PHKB: variants seen among roughly 807,000 people sequenced by gnomAD.
PHKB encodes phosphorylase b kinase regulatory subunit beta.
PHKB carries 122 observed loss-of-function variants against 152.1 expected under a neutral mutation model. That is an observed-to-expected ratio of 0.80 (90% confidence interval 0.69 to 0.93). The LOEUF is 0.93. Ranked by LOEUF, PHKB falls within the 40% of genes least tolerant of loss-of-function variation. The probability of loss-of-function intolerance (pLI) is 0.00; values close to 1 mark genes in which losing one functional copy is unlikely to be tolerated. For synonymous variants in PHKB, 436 were observed against 464.9 expected (o/e 0.94, Z 0.80); for missense variants, 1,304 against 1,328.4 (o/e 0.98, Z 0.29).
intron 27 of PHKB, among the ~76,000 whole-genome samples, chr16:47,691,708 A>G (rs1436973035): frequency 6.6e-6 from 1 of 152,154 alleles, no homozygotes; most frequent in Non-Finnish European, 1.5e-5. Flanking sequence ...GTCTCAAAAA[A>G]AAAAAAAAAT....
intron 6 of PHKB, among the ~76,000 whole-genome samples, chr16:47,547,082 C>A (rs910248815): frequency 2.6e-5 from 4 of 152,218 alleles, no homozygotes; most frequent in Non-Finnish European, 5.9e-5. Flanking sequence ...ATGCCCCACC[C>A]TGCTTCAGCT....
intron 4 of PHKB, among the ~76,000 whole-genome samples, 161 bp downstream of exon 4, chr16:47,503,251 G>A (rs1036419727): frequency 6.6e-6 from 1 of 152,190 alleles, no homozygotes. Flanking sequence ...TTCTAGCCCA[G>A]GGTTTGAAAT....
chr16:47,648,636 A>T lies in PHKB; in HGVS notation c.1692+20A>T, dbSNP rs748047799. 4.5e-6 allele frequency: 7 copies of T among 1,565,608 alleles called. No homozygotes were observed. The African/African-American group carries it at 9.5e-5, about 21-fold the overall frequency. ...TCAAAGGTACTCATGAAATGTCCTC[A>T]AAAAGTAGTTTTTGGATTCTAATAC... On this transcript the variant is annotated intron_variant, in intron 17 of 30. Coordinates refer to ENST00000323584, the MANE Select transcript of PHKB (RefSeq NM_000293.3).
intron 1 of PHKB, among the ~76,000 whole-genome samples, chr16:47,494,527 T>C (rs1970201058): frequency 6.6e-6 from 1 of 152,174 alleles, no homozygotes; most frequent in African/African-American, 2.4e-5. Context: ...AAAGTGTGAT[T>C]GAAGTCCCTT....
In PHKB at chr16:47,669,517, A is replaced by G. The variant is rs1973601498; in HGVS notation, c.2630+100A>G. ...GAAGCAATGTTCCTGGTGTCTGGTG[A>G]GTATTCAGCAAAGAGCACCTGTCCT... On this transcript the variant is annotated intron_variant, in intron 26 of 30. Transcript: ENST00000323584. The G allele has an allele frequency of 2.9e-6, 3 of 1,046,582 alleles. No individual in the cohort carries two copies. In the Admixed American group the frequency reaches 5.2e-5, roughly 18 times the overall value. 64.8% of individuals were successfully genotyped at this position (1,046,582 alleles called of 1,614,324 possible).
chr16:47,537,728 C>G (rs1256492310), intron 6 of PHKB, among the ~76,000 whole-genome samples: 1 of 151,984 alleles, frequency 6.6e-6, no homozygotes, highest in Non-Finnish European at 1.5e-5. Context: ...AAAAGTGCTT[C>G]TTGGTGGAAG....
intron 26 of PHKB, among the ~76,000 whole-genome samples, chr16:47,686,699 T>C (rs1036021637): frequency 1.3e-5 from 2 of 152,214 alleles, no homozygotes; most frequent in African/African-American, 2.4e-5. Flanking sequence ...CATTATTTAG[T>C]GGGTATAAGC....
intron 14 of PHKB, among the ~76,000 whole-genome samples, chr16:47,627,109 TA>T (rs1972724266): frequency 6.6e-6 from 1 of 152,204 alleles, no homozygotes; most frequent in African/African-American, 2.4e-5. Flanking sequence ...ACCTGAGAGT[TA>T]AATGACTGGA....
chr16:47,488,986 C>T (rs1025729847), intron 1 of PHKB, among the ~76,000 whole-genome samples: 2 of 152,044 alleles, frequency 1.3e-5, no homozygotes, highest in Non-Finnish European at 2.9e-5. Flanking sequence ...TGTAAAATGT[C>T]ATTGGTAGTT....
intron 1 of PHKB, among the ~76,000 whole-genome samples, chr16:47,477,648 G>A (rs549831600): frequency 5.9e-5 from 9 of 152,250 alleles, no homozygotes; most frequent in South Asian, 2.1e-4. Context: ...GCTTTATGAC[G>A]TGGTGAGGGC....
intron 28 of PHKB, among the ~76,000 whole-genome samples, chr16:47,695,000 C>T (rs927134460): frequency 6.6e-6 from 1 of 152,096 alleles, no homozygotes; most frequent in East Asian, 1.9e-4. Flanking sequence ...TCATTTAATC[C>T]GTTAGACAAT....
intron 14 of PHKB, among the ~76,000 whole-genome samples, chr16:47,617,756 G>A (rs570908151): frequency 6.6e-6 from 1 of 152,288 alleles, no homozygotes; most frequent in South Asian, 2.1e-4. Flanking sequence ...CCATCCAGAG[G>A]TGACGGAAAT....
chr16:47,630,156 C>G (rs1179154333), intron 14 of PHKB, among the ~76,000 whole-genome samples: 1 of 151,864 alleles, frequency 6.6e-6, no homozygotes, highest in Non-Finnish European at 1.5e-5. Context: ...CACATGTACC[C>G]TAAAACTTAA....
At chr16:47,695,380 TGGGGCTTTATTTTCCCCAAA>T (rs2142109066) in intron 28 of PHKB, among the ~76,000 whole-genome samples, 1 of 152,362 alleles carries the variant, frequency 6.6e-6, no homozygotes, top group African/African-American at 2.4e-5. Context: ...TGTTTAGCAA[TGGGGCTTTATTTTCCCCAAA>T]TTAGGTACTA....
At chr16:47,649,669 C>G (rs1973199947) in intron 18 of PHKB, among the ~76,000 whole-genome samples, 1 of 152,092 alleles carries the variant, frequency 6.6e-6, no homozygotes, top group African/African-American at 2.4e-5. Flanking sequence ...AAATCTGGAG[C>G]CAGACTGCAT....
chr16:47,506,027 C>CAAAAAAAAAAAAAA (rs1198434467), intron 4 of PHKB, among the ~76,000 whole-genome samples: 7 of 50,224 alleles, frequency 1.4e-4, no homozygotes, highest in East Asian at 6.3e-4. Context: ...GAAACTGTCT[C>CAAAAAAAAAAAAAA]AAAAAAAAAA....
intron 14 of PHKB, among the ~76,000 whole-genome samples, chr16:47,614,990 C>T (rs973668175): frequency 5.3e-5 from 8 of 152,280 alleles, no homozygotes; most frequent in East Asian, 1.9e-4. Flanking sequence ...AGGGTAGTTA[C>T]GTTGGATATA....
At chr16:47,583,638 C>A (rs1971886490) in intron 8 of PHKB, among the ~76,000 whole-genome samples, 1 of 152,116 alleles carries the variant, frequency 6.6e-6, no homozygotes, top group Non-Finnish European at 1.5e-5. Flanking sequence ...GCCCCTCTCT[C>A]AAAATGAATG....
intron 20 of PHKB, among the ~76,000 whole-genome samples, chr16:47,656,820 A>G (rs2151734935): frequency 6.6e-6 from 1 of 152,192 alleles, no homozygotes; most frequent in South Asian, 2.1e-4. Flanking sequence ...ATTCATTACT[A>G]GGATCCCAGC....
Sources: gnomAD v4.1 joint callset for allele counts (sites outside exome capture counted in the v4.1 genomes callset) on GRCh38, gnomAD v4.1.1 for gene constraint, MANE v1.5 for transcripts, NCBI Gene and HGNC (gene_info 2026-07-23, HGNC 2026-07-21) for gene names.